Variants in SPAG16 observed in about 807,000 individuals in gnomAD.
SPAG16 encodes the protein sperm associated antigen 16.
SPAG16 carries 86 observed loss-of-function variants against 80.4 expected under a neutral mutation model. That is an observed-to-expected ratio of 1.07 (90% CI 0.90 to 1.28). The LOEUF is 1.28. Ranked by LOEUF, SPAG16 falls within the 50% of genes most tolerant of loss-of-function variation. The probability of loss-of-function intolerance (pLI) is 0.00; values close to 1 mark genes in which losing one functional copy is unlikely to be tolerated. For synonymous variants in SPAG16, 294 were observed against 265.9 expected (o/e 1.11, Z -1.03); for missense variants, 870 against 765.3 (o/e 1.14, Z -1.61).
At chr2:213,355,063 G>T (rs2065555965) in intron 7 of SPAG16, among the ~76,000 whole-genome samples, 1 of 152,172 alleles carries the variant, frequency 6.6e-6, no homozygotes, top group Non-Finnish European at 1.5e-5. Context: ...AAGGGATCCA[G>T]TTTCAGTTTT....
At chr2:213,575,863 A>G (rs2060105251) in intron 10 of SPAG16, among the ~76,000 whole-genome samples, 1 of 152,174 alleles carries the variant, frequency 6.6e-6, no homozygotes, top group Admixed American at 6.6e-5. Context: ...GCATTGTAAA[A>G]TGGAATTTCT....
At chr2:213,854,308 AG>A (rs2075052869) in intron 10 of SPAG16, among the ~76,000 whole-genome samples, 1 of 152,342 alleles carries the variant, frequency 6.6e-6, no homozygotes. Context: ...CCAAATTACA[AG>A]GAAGTTCAAT....
chr2:213,520,430 C>CA (rs753861786), intron 10 of SPAG16, among the ~76,000 whole-genome samples: 9,151 of 138,844 alleles, frequency 0.066, 871 homozygotes, highest in African/African-American at 0.21. Context: ...ACTAAAAATA[C>CA]AAAAAAAAAA....
At chr2:214,399,066 C>T (rs1219662008) in intron 15 of SPAG16, among the ~76,000 whole-genome samples, 2 of 152,048 alleles carry the variant, frequency 1.3e-5, no homozygotes, top group Non-Finnish European at 2.9e-5. Flanking sequence ...AAGGAAACCT[C>T]CATTAGGTAT....
intron 10 of SPAG16, among the ~76,000 whole-genome samples, chr2:213,703,310 C>T (rs1294221945): frequency 6.6e-6 from 1 of 152,188 alleles, no homozygotes; most frequent in East Asian, 1.9e-4. Context: ...ACTTGGCTGT[C>T]CTGTTCTCCA....
intron 9 of SPAG16, among the ~76,000 whole-genome samples, chr2:213,474,169 T>A (rs1489227976): frequency 6.6e-6 from 1 of 152,254 alleles, no homozygotes; most frequent in African/African-American, 2.4e-5. Flanking sequence ...TCCTTCCACA[T>A]GTTCCCATTC....
intron 12 of SPAG16, among the ~76,000 whole-genome samples, chr2:213,937,082 A>G (rs568890013): frequency 1.3e-5 from 2 of 152,226 alleles, no homozygotes; most frequent in East Asian, 3.9e-4. Flanking sequence ...AATAAAAGAA[A>G]TTTTCTTATT....
At chr2:214,255,474 C>G (rs956777654) in intron 15 of SPAG16, among the ~76,000 whole-genome samples, 1 of 152,012 alleles carries the variant, frequency 6.6e-6, no homozygotes, top group Non-Finnish European at 1.5e-5. Flanking sequence ...ACCCTTACAT[C>G]AATGCATCTT....
intron 10 of SPAG16, among the ~76,000 whole-genome samples, chr2:213,851,654 G>A (rs973129566): frequency 3.3e-5 from 5 of 152,210 alleles, no homozygotes; most frequent in African/African-American, 4.8e-5. Context: ...AGATATTCCA[G>A]TCTCGGCTGC....
At chr2:213,413,636 A>T (rs907757146) in intron 9 of SPAG16, among the ~76,000 whole-genome samples, 1 of 152,202 alleles carries the variant, frequency 6.6e-6, no homozygotes, top group African/African-American at 2.4e-5. Context: ...TGTAGCACAG[A>T]CTAGTGCATA....
At chr2:213,590,689 T>C (rs191200408) in intron 10 of SPAG16, among the ~76,000 whole-genome samples, 3 of 152,332 alleles carry the variant, frequency 2.0e-5, no homozygotes, top group African/African-American at 7.2e-5. Flanking sequence ...GGAACGCTTA[T>C]GTGCTGTTGG....
intron 12 of SPAG16, among the ~76,000 whole-genome samples, chr2:213,960,458 G>T (rs1337028722): frequency 6.6e-6 from 1 of 151,716 alleles, no homozygotes; most frequent in African/African-American, 2.4e-5. Flanking sequence ...ATTTTTTGTT[G>T]TTGAGAACTA....
intron 11 of SPAG16, among the ~76,000 whole-genome samples, chr2:213,913,778 A>G (rs998037685): frequency 6.6e-6 from 1 of 152,132 alleles, no homozygotes; most frequent in African/African-American, 2.4e-5. Flanking sequence ...TTTGGCTCAC[A>G]TGATTGTGGG....
At chr2:214,165,089 T>C (rs568676102) in intron 15 of SPAG16, among the ~76,000 whole-genome samples, 1 of 152,178 alleles carries the variant, frequency 6.6e-6, no homozygotes, top group African/African-American at 2.4e-5. Context: ...GTTGATAACA[T>C]TTAGAAGTGT....
intron 15 of SPAG16, among the ~76,000 whole-genome samples, chr2:214,351,467 C>T (rs534544515): frequency 9.0e-4 from 137 of 151,832 alleles, no homozygotes; most frequent in Middle Eastern, 3.4e-3. Context: ...TTTGGGAGGC[C>T]GAGGTGGGTG....
chr2:214,093,172 C>A (rs2052339356), intron 13 of SPAG16, among the ~76,000 whole-genome samples: 1 of 152,016 alleles, frequency 6.6e-6, no homozygotes, highest in Non-Finnish European at 1.5e-5. Flanking sequence ...TCTTTTAACA[C>A]TTTCAGCTAC....
chr2:213,561,905 G>A (rs1279332404), intron 10 of SPAG16, among the ~76,000 whole-genome samples: 1 of 151,998 alleles, frequency 6.6e-6, no homozygotes, highest in South Asian at 2.1e-4. Flanking sequence ...TCTTTTTGTT[G>A]TATTCCTATC....
intron 12 of SPAG16, among the ~76,000 whole-genome samples, 185 bp from the exon 13 acceptor site, chr2:214,013,766 A>G (rs913294296): frequency 3.3e-5 from 5 of 152,188 alleles, no homozygotes; most frequent in Non-Finnish European, 7.3e-5. Flanking sequence ...GTTTTATGCT[A>G]CTAATCGTAT....
intron 9 of SPAG16, among the ~76,000 whole-genome samples, chr2:213,447,665 C>T (rs1303045617): frequency 6.6e-6 from 1 of 152,236 alleles, no homozygotes. Flanking sequence ...AAACATTCTG[C>T]TTTGTTTACC....
Sources: allele counts gnomAD v4.1 joint callset (sites outside exome capture counted in the v4.1 genomes callset), GRCh38; gene constraint gnomAD v4.1.1; transcripts MANE v1.5; gene names NCBI Gene and HGNC (gene_info 2026-07-23, HGNC 2026-07-21).